The following BAIAP3 variants were observed in gnomAD, a reference collection of about 807,000 sequenced individuals.
BAIAP3 encodes the protein BAI1 associated protein 3.
A neutral mutation model predicts 149.7 loss-of-function variants in BAIAP3; 180 were observed. The observed-to-expected ratio is 1.20, with a 90% CI of 1.07 to 1.36. The LOEUF (loss-of-function observed/expected upper bound fraction) is 1.36. Among genes scored for constraint, BAIAP3 ranks in the 40% most tolerant of loss-of-function variants. BAIAP3 has a pLI of 0.00. For missense variants in BAIAP3, 1,767 were observed against 1,563.4 expected (o/e 1.13, Z -2.20); for synonymous variants, 845 against 670.7 (o/e 1.26, Z -4.02).
chr16:1,336,157 C>A, intron 1 of BAIAP3: 1 of 957,074 alleles, frequency 1.0e-6, no homozygotes, highest in Non-Finnish European at 1.2e-6. Context: ...GCACATGCCG[C>A]GGCGGTTGCC....
chr16:1,343,966 TCTC>T, intron 15 of BAIAP3, 53 bp from the exon 16 acceptor site: 1 of 1,603,190 alleles, frequency 6.2e-7, no homozygotes, highest in Non-Finnish European at 8.5e-7. Flanking sequence ...GGAGGATGTT[TCTC>T]CTCATCAGTG....
At chr16:1,341,725 G>T in intron 8 of BAIAP3, 97 bp from the exon 9 acceptor site, 1 of 1,355,630 alleles carries the variant, frequency 7.4e-7, no homozygotes, top group Non-Finnish European at 1.0e-6. Context: ...GAGAGCGGGT[G>T]CTTGTGGCCT....
chr16:1,337,823 C>T (rs891359190), intron 1 of BAIAP3, among the ~76,000 whole-genome samples: 10 of 152,222 alleles, frequency 6.6e-5, no homozygotes, highest in African/African-American at 2.2e-4. Context: ...TTCATGTTCT[C>T]GTTTGTACCA....
At chr16:1,347,412 A>G (rs1343829864) in intron 29 of BAIAP3, 43 bp downstream of exon 29, 1 of 1,604,640 alleles carries the variant, frequency 6.2e-7, no homozygotes, top group African/African-American at 1.3e-5. Flanking sequence ...GGATGAGGGG[A>G]CTGAGTTCAA....
intron 28 of BAIAP3, 122 bp downstream of exon 28, chr16:1,347,077 TC>T: frequency 2.0e-6 from 2 of 991,054 alleles, no homozygotes; most frequent in Non-Finnish European, 3.0e-6. Context: ...TCCAGGGCTG[TC>T]CACAGCGCCT....
intron 15 of BAIAP3, among the ~76,000 whole-genome samples, 176 bp downstream of exon 15, chr16:1,343,689 C>G (rs934579053): frequency 6.6e-6 from 1 of 152,214 alleles, no homozygotes; most frequent in Non-Finnish European, 1.5e-5. Context: ...ACGGGAGACT[C>G]GTGGGAGTCA....
intron 21 of BAIAP3, 43 bp downstream of exon 21, chr16:1,345,142 C>T (rs375672068): frequency 2.4e-5 from 38 of 1,611,434 alleles, no homozygotes; most frequent in African/African-American, 4.0e-5. Context: ...ACTTTGGGAC[C>T]AGGGCCCCAG....
chr16:1,342,380 CT>C, intron 11 of BAIAP3, 97 bp downstream of exon 11: 1 of 1,425,554 alleles, frequency 7.0e-7, no homozygotes, highest in South Asian at 1.2e-5. Context: ...GAAGCTCCTG[CT>C]TTTGGGCCTC....
At chr16:1,345,650 T>C (rs1596585174) in intron 22 of BAIAP3, 97 bp from the exon 23 acceptor site, 2 of 271,554 alleles carry the variant, frequency 7.4e-6, no homozygotes, top group South Asian at 4.0e-5. Flanking sequence ...CTCCCCGGCC[T>C]CCTCCGCAAC....
In BAIAP3 at chr16:1,348,208, G is replaced by T; in HGVS notation, c.3262G>T (p.Gly1088Cys). The change falls in exon 33 of 34, where the codon GGT becomes TGT. Residue 1088 changes from glycine (G) to cysteine (C), a missense_variant. Physicochemically the swap from Gly to Cys is radical, Grantham distance 159. Transcript: ENST00000426824. The part of the protein sequence containing the change: ...DFAGEAALGL[G>C]GVTGVARPQV... ...CGCTGGGGAGGCGGCCCTCGGCCTA[G>T]GTGGCGTCACTGGTGTCGCCCGGCC... The T allele has an allele frequency of 6.2e-7, 1 of 1,608,982 alleles. No individual in the cohort carries two copies. Among genetic ancestry groups the T allele is most frequent in the Non-Finnish European group, 8.5e-7 (1 of 1,179,462 alleles).
At position 1,347,458 on chromosome 16, in the gene BAIAP3, A is replaced by T. The variant is rs565365092; in HGVS notation, c.2824-87A>T. ...CACACGGGCTGTGTCCTTGAGCATG[A>T]GGTGGCCCCACGGGCAGTCAGGTCT... is the stretch of plus-strand genomic sequence containing the variant. On this transcript the variant is annotated intron_variant, in intron 29 of 33. Transcript: ENST00000426824. 2.0e-5 allele frequency: 31 copies of T among 1,584,668 alleles called. No homozygotes were observed. The South Asian group carries it at 3.5e-4, about 18-fold the overall frequency.
chr16:1,347,393 CG>C, intron 29 of BAIAP3, 24 bp downstream of exon 29: 2 of 1,611,166 alleles, frequency 1.2e-6, no homozygotes, highest in East Asian at 4.5e-5. Context: ...CTCTGTGGGG[CG>C]GGGGTGTGGA....
At position 1,348,009 on chromosome 16, in the gene BAIAP3, C is replaced by T. The variant is rs374215141; in HGVS notation, c.3141C>T (p.Leu1047=). ...CGCTGCACCCTGTATACGACGAACT[C>T]TTCTACTTGTGAGTGTCCTAAGCCC... ...TRTLHPVYDE[L]FYFSVPAEAC... is the part of the protein sequence containing the mutation. The change falls in exon 32 of 34, where the codon CTC becomes CTT. Residue 1047 remains leucine, a synonymous_variant. Transcript: ENST00000426824. The T allele has an allele frequency of 9.9e-6, 16 of 1,608,852 alleles. No individual in the cohort carries two copies. The African/African-American group carries it at 2.0e-4, about 20-fold the overall frequency.
intron 11 of BAIAP3, 80 bp from the exon 12 acceptor site, chr16:1,342,447 G>A: frequency 7.1e-7 from 1 of 1,416,934 alleles, no homozygotes. Flanking sequence ...AGGCCATGTG[G>A]TCTCTCCAGG....
rs2034177463 is a variant in BAIAP3 at position 1,344,543 on chromosome 16, C to T, written c.1659+18C>T. The T allele has an allele frequency of 6.2e-7, 1 of 1,612,610 alleles. No individual in the cohort carries two copies. Among genetic ancestry groups the T allele is most frequent in the South Asian group, 1.1e-5 (1 of 91,062 alleles). Reference sequence around the variant, plus strand: ...GAGAGCAGGTGCAGTTGTGGGGGACCCTGGCCATGAGGGGTACGGGCAGCC... The same window carrying T: ...GAGAGCAGGTGCAGTTGTGGGGGACTCTGGCCATGAGGGGTACGGGCAGCC... On this transcript the variant is annotated intron_variant, in intron 18 of 33. Coordinates refer to ENST00000426824, the MANE Select transcript of BAIAP3 (RefSeq NM_001199097.2).
chr16:1,337,396 T>C (rs2033530634), intron 1 of BAIAP3, among the ~76,000 whole-genome samples: 1 of 152,214 alleles, frequency 6.6e-6, no homozygotes, highest in South Asian at 2.1e-4. Context: ...CGGGCGCCTG[T>C]AATCCCAGTT....
rs752289106 is a variant in BAIAP3 at position 1,346,054 on chromosome 16, G to T, written c.2277G>T (p.Ala759=). Reference sequence around the variant, plus strand: ...AGAAGGTGGACACTCAGCCAGGGGCGGCCGGTGAAGCAGTGAGCGAGGCGG... The same window carrying T: ...AGAAGGTGGACACTCAGCCAGGGGCTGCCGGTGAAGCAGTGAGCGAGGCGG... The part of the protein sequence containing the change: ...LRKKVDTQPG[A]AGEAVSEALC... Residue 759 remains alanine (A), a synonymous_variant, in exon 24 of 34, where the codon GCG becomes GCT. Transcript: ENST00000426824. 1.2e-6 allele frequency: 2 copies of T among 1,611,468 alleles called. No homozygotes were observed. Among genetic ancestry groups the T allele is most frequent in the Non-Finnish European group, 8.5e-7 (1 of 1,179,490 alleles).
chr16:1,348,109 G>T lies in BAIAP3; in HGVS notation c.3163G>T (p.Glu1055Ter). Residue 1055 changes from glutamate (E) to a stop codon, truncating the protein, a stop_gained, in exon 33 of 34, where the codon GAG becomes TAG. Transcript: ENST00000426824. LOFTEE classifies it high-confidence loss of function. ...DELFYFSVPA[E>*]ACRRRAACVL... is the part of the protein sequence containing the mutation. ...CTCTGTCCGCAGTTCCGTGCCTGCC[G>T]AGGCGTGCCGCCGCCGCGCGGCCTG... 1 of 1,603,244 alleles carries T rather than the reference G, an allele frequency of 6.2e-7. No individual in the cohort carries two copies.
At chr16:1,343,864 TCTGGGACAGGCC>T (rs2034107856) in intron 15 of BAIAP3, among the ~76,000 whole-genome samples, 146 bp from the exon 16 acceptor site, 1 of 123,132 alleles carries the variant, frequency 8.1e-6, no homozygotes, top group African/African-American at 4.4e-5. Flanking sequence ...GGACAGGCCG[TCTGGGACAGGCC>T]GACTGGGCCT....
Sources: allele counts gnomAD v4.1 joint callset (sites outside exome capture counted in the v4.1 genomes callset), GRCh38; gene constraint gnomAD v4.1.1; transcripts MANE v1.5; gene names NCBI Gene and HGNC (gene_info 2026-07-23, HGNC 2026-07-21).